OTOF: variants seen among roughly 807,000 people sequenced by gnomAD.
OTOF encodes the protein fer-1-like family member 2.
In OTOF, 218 loss-of-function variants were observed where a neutral mutation model predicts 236.8. The observed-to-expected ratio is 0.92, with a 90% CI of 0.82 to 1.03. The LOEUF (loss-of-function observed/expected upper bound fraction) is 1.03. Among genes scored for constraint, OTOF ranks in the 50% least tolerant of loss-of-function variants. The pLI, the probability that OTOF is intolerant of heterozygous loss-of-function variation, is 0.00. For synonymous variants in OTOF, 1,041 were observed against 1,072.5 expected, an observed-to-expected ratio of 0.97 and a Z score of 0.57; for missense variants, 2,590 against 2,694.4, an observed-to-expected ratio of 0.96 and a Z score of 0.86.
chr2:26,531,513 A>G (rs539040769), intron 2 of OTOF, among the ~76,000 whole-genome samples: 1 of 151,868 alleles, frequency 6.6e-6, no homozygotes, highest in Non-Finnish European at 1.5e-5. Context: ...CCCAGTGGGA[A>G]CTCTGTGCAG....
intron 1 of OTOF, among the ~76,000 whole-genome samples, chr2:26,551,997 G>A (rs567242497): frequency 9.3e-4 from 141 of 151,402 alleles, no homozygotes; most frequent in African/African-American, 3.4e-3. Context: ...GCCATGAATT[G>A]ATGGTAGCTG....
At chr2:26,543,486 A>T (rs1050353206) in intron 1 of OTOF, among the ~76,000 whole-genome samples, 6 of 152,184 alleles carry the variant, frequency 3.9e-5, no homozygotes, top group Non-Finnish European at 7.4e-5. Flanking sequence ...GGGGCATGGG[A>T]TAGAGGTTAA....
intron 41 of OTOF, among the ~76,000 whole-genome samples, chr2:26,463,277 T>TGGG (rs1183243670): frequency 6.6e-6 from 1 of 152,226 alleles, no homozygotes; most frequent in East Asian, 1.9e-4. Flanking sequence ...CCTTAGCACG[T>TGGG]GGGGACTCTC....
chr2:26,497,697 T>A (rs1666022900), intron 8 of OTOF, among the ~76,000 whole-genome samples: 1 of 152,158 alleles, frequency 6.6e-6, no homozygotes, highest in Non-Finnish European at 1.5e-5. Flanking sequence ...ACACTTGAAC[T>A]AGGAAGCAAA....
chr2:26,498,653 C>T (rs1666046461), intron 8 of OTOF, among the ~76,000 whole-genome samples: 1 of 152,154 alleles, frequency 6.6e-6, no homozygotes, highest in African/African-American at 2.4e-5. Flanking sequence ...ACATACTCCC[C>T]AGTGGCTTCA....
In OTOF at chr2:26,461,831, G is replaced by A; in HGVS notation, c.5398C>T (p.Leu1800=). Residue 1800 remains leucine, a synonymous_variant, in exon 43 of 47, where the codon CTG becomes TTG. Coordinates refer to ENST00000272371, the MANE Select transcript of OTOF (RefSeq NM_194248.3). This position sits in a 1 kb window ranked among gnomAD's most constrained non-coding sequence, Gnocchi z 6.2. ...ATGACGATCTTCTCCTCCGCCGCCAGGTAGTCGAAGGGGAACAGGTAGCGC... is the reference window on the plus strand; with the variant it reads ...ATGACGATCTTCTCCTCCGCCGCCAAGTAGTCGAAGGGGAACAGGTAGCGC... ...NWRYLFPFDY[L]AAEEKIVISK... is the part of the protein sequence containing the mutation. The A allele has an allele frequency of 6.2e-7, 1 of 1,614,208 alleles. No individual in the cohort carries two copies. Among genetic ancestry groups the A allele is most frequent in the Non-Finnish European group, 8.5e-7 (1 of 1,180,036 alleles).
intron 3 of OTOF, among the ~76,000 whole-genome samples, chr2:26,521,466 G>C (rs1666676035): frequency 6.6e-6 from 1 of 152,190 alleles, no homozygotes; most frequent in Non-Finnish European, 1.5e-5. Flanking sequence ...CTGAATCTCA[G>C]ATCTTATACT....
chr2:26,463,969 C>T lies in OTOF; in HGVS notation c.5098G>A (p.Glu1700Lys), dbSNP rs199766465. The T allele has an allele frequency of 5.0e-6, 8 of 1,613,636 alleles. No homozygotes were observed. The highest frequency in any genetic ancestry group is 3.3e-5 in the South Asian group (3 of 91,074). Residue 1700 changes from glutamate to lysine, a missense_variant, in exon 40 of 47, where the codon GAG (glutamate) becomes AAG (lysine). Glu to Lys is a moderately conservative substitution (Grantham distance 56, BLOSUM62 1). Transcript: ENST00000272371. The stretch of plus-strand genomic sequence containing the variant: ...CTTGGCCATGCAAGTGTCACCTGCT[C>T]GATGCCCGGCTTGTCGGGGTTGAGC... Reference protein sequence around the residue: ...PLLNPDKPGIEQGRLELWVDM... With the variant: ...PLLNPDKPGIKQGRLELWVDM...
chr2:26,553,946 G>A (rs1267061105), intron 1 of OTOF, among the ~76,000 whole-genome samples: 1 of 152,134 alleles, frequency 6.6e-6, no homozygotes, highest in Non-Finnish European at 1.5e-5. Flanking sequence ...GCCGAGGCAG[G>A]CGGATCATGA....
chr2:26,527,758 G>C (rs1666843488), intron 3 of OTOF, 74 bp downstream of exon 3: 2 of 1,086,824 alleles, frequency 1.8e-6, no homozygotes, highest in Non-Finnish European at 2.9e-6. Context: ...GCCCCAAACA[G>C]AGGGTAGCCC....
intron 46 of OTOF, among the ~76,000 whole-genome samples, chr2:26,458,564 G>T (rs929058311): frequency 1.4e-4 from 21 of 152,146 alleles, no homozygotes; most frequent in African/African-American, 5.1e-4. Flanking sequence ...GGTAAGACTG[G>T]TGCTTCACAA....
Position 26,527,820 on chromosome 2 carries a change from T to A in OTOF, c.227+12A>T. Reference sequence around the variant, plus strand: ...TCCAGGCCCAGCCCCTCCTGCCCCATCCCACACTTACTTGTTGCTGAAGAC... The same window carrying A: ...TCCAGGCCCAGCCCCTCCTGCCCCAACCCACACTTACTTGTTGCTGAAGAC... On this transcript the variant is annotated intron_variant, in intron 3 of 46. Coordinates refer to ENST00000272371, the MANE Select transcript of OTOF (RefSeq NM_194248.3). The A allele has an allele frequency of 6.3e-7, 1 of 1,596,448 alleles. No homozygotes were observed. The highest frequency in any genetic ancestry group is 1.1e-5 in the South Asian group (1 of 90,742).
Position 26,476,208 on chromosome 2 carries a change from A to G in OTOF, c.2786T>C (p.Leu929Pro). 1 of 1,610,156 alleles carries G rather than the reference A, an allele frequency of 6.2e-7. No homozygotes were observed. Residue 929 changes from leucine (L) to proline (P), a missense_variant, in exon 23 of 47, where the codon CTG becomes CCG. By Grantham distance (98) the Leu-to-Pro change is moderately conservative. Transcript: ENST00000272371. ...SKQRKEFLCG[L>P]PCGFQEVKAA... ...CTTGACCTCCTGGAAGCCACAGGGC[A>G]GGCCGCACAGGAACTCCTTGCGCTG... is the stretch of plus-strand genomic sequence containing the variant.
At position 26,470,685 on chromosome 2, in the gene OTOF, C is replaced by CCTT. The variant is rs368148603; in HGVS notation, c.3928_3930dup (p.Lys1310dup). The CCTT allele has an allele frequency of 1.4e-4, 228 of 1,609,576 alleles. No homozygotes were observed. The highest frequency in any genetic ancestry group is 6.6e-4 in the Middle Eastern group (4 of 6,050). ...TCCTCCTCTGGCTCCTCCGCAGTGC[C>CCTT]CTTCTTCTTCTTCTTCTTCTCCTTC... is the stretch of plus-strand genomic sequence containing the variant. On this transcript the variant is annotated inframe_insertion, in exon 32 of 47. Transcript: ENST00000272371. This position sits in a 1 kb window ranked among gnomAD's most constrained non-coding sequence, Gnocchi z 4.3.
intron 13 of OTOF, among the ~76,000 whole-genome samples, chr2:26,482,795 A>G (rs1163405089): frequency 3.5e-3 from 194 of 55,938 alleles, no homozygotes; most frequent in Middle Eastern, 0.032. Flanking sequence ...GTGTGAGTGG[A>G]TGCATGTGTG....
At chr2:26,517,175 A>C (rs1666553799) in intron 4 of OTOF, among the ~76,000 whole-genome samples, 1 of 152,176 alleles carries the variant, frequency 6.6e-6, no homozygotes, top group Non-Finnish European at 1.5e-5. Flanking sequence ...TAGAGCACTC[A>C]ACCGGGCTCA....
Position 26,477,518 on chromosome 2 carries a change from G to T in OTOF, c.2316-12C>A, listed in dbSNP as rs1259174104. ...GGGAGAGGAAGCGGCTGGGGGTAGG[G>T]CGAGCCGGGGTTTAGCGAGCCTGAC... is the stretch of plus-strand genomic sequence containing the variant. On this transcript the variant is annotated splice_polypyrimidine_tract_variant and intron_variant, in intron 19 of 46. Coordinates refer to ENST00000272371, the MANE Select transcript of OTOF (RefSeq NM_194248.3). The surrounding 1 kb of genome is among the most constrained non-coding windows in gnomAD (Gnocchi z 4.7). 6.3e-7 allele frequency: 1 copy of T among 1,599,190 alleles called. No individual in the cohort carries two copies. The highest frequency in any genetic ancestry group is 8.5e-7 in the Non-Finnish European group (1 of 1,173,336).
chr2:26,535,157 A>G (rs1175622641), intron 2 of OTOF, among the ~76,000 whole-genome samples: 1 of 152,170 alleles, frequency 6.6e-6, no homozygotes, highest in African/African-American at 2.4e-5. Context: ...AAATGGAGGC[A>G]GGGGGTGTGG....
chr2:26,489,655 G>A (rs1473867039), intron 10 of OTOF, 23 bp downstream of exon 10: 1 of 1,603,434 alleles, frequency 6.2e-7, no homozygotes, highest in Non-Finnish European at 8.5e-7. Flanking sequence ...GGCCCTGCCG[G>A]CCAGGGGCTG....
Sources: allele counts gnomAD v4.1 joint callset (sites outside exome capture counted in the v4.1 genomes callset), GRCh38; gene constraint gnomAD v4.1.1; non-coding constraint Gnocchi (gnomAD v3.1); transcripts MANE v1.5; gene names NCBI Gene and HGNC (gene_info 2026-07-23, HGNC 2026-07-21).